CSMD2: variants seen among roughly 807,000 people sequenced by gnomAD.
CSMD2 encodes CUB and Sushi multiple domains 2, also known as CUB and sushi domain-containing protein 2.
CSMD2 carries 130 observed loss-of-function variants against 398.5 expected under a neutral mutation model. That is an observed-to-expected ratio of 0.33 (90% CI 0.28 to 0.38). The LOEUF is 0.38. CSMD2 is among the 10% of genes least tolerant of loss of function. The probability of loss-of-function intolerance (pLI) is 1.00; values close to 1 mark genes in which losing one functional copy is unlikely to be tolerated. For missense variants in CSMD2, 3,829 were observed against 4,764.9 expected (o/e 0.80, Z 5.78); for synonymous variants, 1,828 against 1,908.5 (o/e 0.96, Z 1.10).
At chr1:33,840,204 AT>A (rs1165791932) in intron 6 of CSMD2, 1 of 152,222 alleles carries the variant, frequency 6.6e-6, no homozygotes, top group Non-Finnish European at 1.5e-5. Context: ...ACTTCGGTGA[AT>A]TCAGCTGGAG....
At chr1:34,075,341 C>G (rs72667733) in intron 2 of CSMD2, among the ~76,000 whole-genome samples, 2,254 of 152,344 alleles carry the variant, frequency 0.015, 17 homozygotes, top group Middle Eastern at 0.048. Flanking sequence ...TATTGATGTG[C>G]AAGGCACACC....
chr1:33,748,835 A>G (rs932802407), intron 13 of CSMD2, among the ~76,000 whole-genome samples: 5 of 152,206 alleles, frequency 3.3e-5, no homozygotes, highest in Admixed American at 3.3e-4. Flanking sequence ...TAGTCTTCAA[A>G]CAAGGAATGC....
At chr1:33,980,872 G>C (rs940854241) in intron 3 of CSMD2, among the ~76,000 whole-genome samples, 1 of 152,230 alleles carries the variant, frequency 6.6e-6, no homozygotes, top group East Asian at 1.9e-4. Context: ...CAGATCTGAA[G>C]GATGGGGTGG....
rs1291939698 is a variant in CSMD2 at position 34,088,998 on chromosome 1, T to G, written c.383A>C (p.Gln128Pro). The G allele has an allele frequency of 6.2e-7, 1 of 1,613,896 alleles. No individual in the cohort carries two copies. The highest frequency in any genetic ancestry group is 8.5e-7 in the Non-Finnish European group (1 of 1,180,006). The change falls in exon 2 of 71, where the codon CAG becomes CCG. Residue 128 changes from glutamine (Q) to proline (P), a missense_variant. Gln to Pro is a moderately conservative substitution (Grantham distance 76, BLOSUM62 -1). This residue lies in a region of CSMD2 where 184 missense variants were observed against 217.7 expected (regional missense o/e 0.85). Coordinates refer to ENST00000373381, the MANE Select transcript of CSMD2 (RefSeq NM_001281956.2). The stretch of plus-strand genomic sequence containing the variant: ...GTACCTCGTACGCAGATTCTCTGGC[T>G]GGGGTGGACCATCAAACACCGACAG... Reference protein sequence around the residue: ...DVLSVFDGPPQPENLRTRLTG... With the variant: ...DVLSVFDGPPPPENLRTRLTG...
chr1:34,150,642 G>T (rs1291064450), intron 1 of CSMD2, among the ~76,000 whole-genome samples: 1 of 152,138 alleles, frequency 6.6e-6, no homozygotes, highest in African/African-American at 2.4e-5. Flanking sequence ...ACCAGGGACT[G>T]CAGCTCACGC....
rs1462513363 is a variant in CSMD2, at chr1:33,527,288, G to A, written c.10172-30C>T. 3.1e-6 allele frequency: 5 copies of A among 1,588,710 alleles called. 1 individual carries two copies. The Admixed American group carries it at 6.8e-5, about 22-fold the overall frequency. ...TGGGGAAAAAGAGTGGAAGAAAACA[G>A]GTTCAGCTTCTGGTTCACACTCTGT... On this transcript the variant is annotated intron_variant, in intron 64 of 70. Coordinates refer to ENST00000373381, the MANE Select transcript of CSMD2 (RefSeq NM_001281956.2).
In CSMD2 at chr1:33,882,867, C is replaced by T. The variant is rs888452465; in HGVS notation, c.920+35227G>A. On this transcript the variant is annotated intron_variant, in intron 5 of 70. Coordinates refer to ENST00000373381, the MANE Select transcript of CSMD2 (RefSeq NM_001281956.2). Reference sequence around the variant, plus strand: ...CTTCTCTTCCTCCTTTTCTTCCCTTCGTGGCTACGGATGCAGTCTAGAGCC... The same window carrying T: ...CTTCTCTTCCTCCTTTTCTTCCCTTTGTGGCTACGGATGCAGTCTAGAGCC... Among the ~76,000 whole-genome samples the T allele has an allele frequency of 4.6e-5, 7 of 152,274 alleles. No homozygotes were observed. The East Asian group carries it at 1.2e-3, about 25-fold the overall frequency.
At chr1:33,623,767 C>T (rs1246227597) in intron 35 of CSMD2, among the ~76,000 whole-genome samples, 1 of 152,220 alleles carries the variant, frequency 6.6e-6, no homozygotes, top group Non-Finnish European at 1.5e-5. Context: ...ACTGTCTCCT[C>T]ATCTCTGGAA....
chr1:33,726,645 G>A lies in CSMD2; in HGVS notation c.2409C>T (p.Ile803=). ...AGAAGCCAGGCCAGCCCGGAGAGAG[G>A]ATGGTGCCGCTGGGCGAAGTCAGGT... The part of the protein sequence containing the change: ...GGHLTSPSGT[I]LSPGWPGFYK... Residue 803 remains isoleucine (I), a synonymous_variant, in exon 16 of 71, where the codon ATC becomes ATT. Coordinates refer to ENST00000373381, the MANE Select transcript of CSMD2 (RefSeq NM_001281956.2). The A allele has an allele frequency of 6.2e-7, 1 of 1,613,288 alleles. No homozygotes were observed. The highest frequency in any genetic ancestry group is 8.5e-7 in the Non-Finnish European group (1 of 1,179,964).
intron 15 of CSMD2, among the ~76,000 whole-genome samples, chr1:33,727,804 GGTT>G (rs1301534325): frequency 6.6e-6 from 1 of 152,116 alleles, no homozygotes; most frequent in East Asian, 1.9e-4. Context: ...GGGATTTGGA[GGTT>G]GTAAGTTAAC....
intron 3 of CSMD2, among the ~76,000 whole-genome samples, chr1:34,013,509 T>C (rs4653370): frequency 0.21 from 32,078 of 152,014 alleles, 4,053 homozygotes; most frequent in East Asian, 0.58. Context: ...TTCAGGGAGA[T>C]AAGTAGGGAG....
chr1:33,983,887 T>C (rs1646256611), intron 3 of CSMD2, among the ~76,000 whole-genome samples: 1 of 152,134 alleles, frequency 6.6e-6, no homozygotes, highest in African/African-American at 2.4e-5. Context: ...GTGCAGTGGC[T>C]CATGCCTGGA....
At position 34,000,533 on chromosome 1, in the gene CSMD2, C is replaced by G. The variant is rs1203837860; in HGVS notation, c.517+32061G>C. Among the ~76,000 whole-genome samples, 4 of 152,240 alleles carry G rather than the reference C, an allele frequency of 2.6e-5. No individual in the cohort carries two copies. The East Asian group carries it at 7.7e-4, about 29-fold the overall frequency. Reference sequence around the variant, plus strand: ...ATGCAGAACCGCTCGGTTCATAATCCCCTTTCCCAGGCCCCAGAGTTCTGC... The same window carrying G: ...ATGCAGAACCGCTCGGTTCATAATCGCCTTTCCCAGGCCCCAGAGTTCTGC... On this transcript the variant is annotated intron_variant, in intron 3 of 70. Transcript: ENST00000373381.
chr1:33,633,423 T>C lies in CSMD2; in HGVS notation c.5199A>G (p.Thr1733=), dbSNP rs1222113323. ...CCACACTGGCCGAGCCCCGGATACC[T>C]GTATGGGAGCCCGAGAGGGAGCTGA... ...RLLSSLSGSH[T]GESLPLATSN... Residue 1733 remains threonine (T), a splice_region_variant and synonymous_variant, in exon 32 of 71, where the codon ACA becomes ACG. Coordinates refer to ENST00000373381, the MANE Select transcript of CSMD2 (RefSeq NM_001281956.2). The surrounding 1 kb of genome is among the most constrained non-coding windows in gnomAD (Gnocchi z 5.0). The C allele has an allele frequency of 6.5e-7, 1 of 1,550,128 alleles. No homozygotes were observed. The highest frequency in any genetic ancestry group is 8.7e-7 in the Non-Finnish European group (1 of 1,146,046).
chr1:33,929,706 T>C (rs538736786), intron 4 of CSMD2, among the ~76,000 whole-genome samples: 1 of 152,206 alleles, frequency 6.6e-6, no homozygotes, highest in South Asian at 2.1e-4. Flanking sequence ...CTTTCTTACC[T>C]TGCTTCACCC....
chr1:33,558,266 C>T (rs554536920), intron 54 of CSMD2, among the ~76,000 whole-genome samples: 19 of 152,322 alleles, frequency 1.2e-4, no homozygotes, highest in African/African-American at 4.6e-4. Context: ...TATATCTGAT[C>T]GTAGCACAAT....
intron 3 of CSMD2, among the ~76,000 whole-genome samples, chr1:34,010,386 G>A (rs1558241893): frequency 6.6e-6 from 1 of 152,144 alleles, no homozygotes; most frequent in Non-Finnish European, 1.5e-5. Context: ...TCATCTACGA[G>A]CATTTAAAAT....
In CSMD2 at chr1:33,569,402, G is replaced by A. The variant is rs140799147; in HGVS notation, c.8103C>T (p.Leu2701=). ...GGCAGCGGACTTCAGAGCCACTCCA[G>A]AGCCCATTGGCCATGCACTCACGCA... ...SRVRECMANG[L]WSGSEVRCLA... The change falls in exon 52 of 71, where the codon CTC becomes CTT. Residue 2701 remains leucine (L), a synonymous_variant. Transcript: ENST00000373381. 94 of 1,614,200 alleles carry A rather than the reference G, an allele frequency of 5.8e-5. 1 individual carries two copies. In the South Asian group the frequency reaches 9.6e-4, roughly 16 times the overall value.
At chr1:33,610,925 G>T in intron 41 of CSMD2, 116 bp downstream of exon 41, 19 of 1,002,352 alleles carry the variant, frequency 1.9e-5, no homozygotes, top group Middle Eastern at 2.4e-4. Context: ...GCCTGCCACC[G>T]CAACCCACCC....
Sources: allele counts gnomAD v4.1 joint callset (sites outside exome capture counted in the v4.1 genomes callset), GRCh38; gene constraint gnomAD v4.1.1; regional missense constraint gnomAD v4.1.1; non-coding constraint Gnocchi (gnomAD v3.1); transcripts MANE v1.5; gene names NCBI Gene and HGNC (gene_info 2026-07-23, HGNC 2026-07-21).